Variants in SASH1 observed in about 807,000 individuals in gnomAD.
SASH1 encodes the protein SAM and SH3 domain-containing protein 1.
SASH1 carries 44 observed loss-of-function variants against 125.2 expected under a neutral mutation model. That is an observed-to-expected ratio of 0.35 (90% CI 0.28 to 0.45). The LOEUF is 0.45. Ranked by LOEUF, SASH1 falls within the 20% of genes least tolerant of loss-of-function variation. The pLI is 1.00. For synonymous variants in SASH1, 639 were observed against 649.1 expected (o/e 0.98, Z 0.24); for missense variants, 1,426 against 1,614.5 (o/e 0.88, Z 2.00).
intron 10 of SASH1, among the ~76,000 whole-genome samples, chr6:148,521,612 C>T (rs184753525): frequency 2.8e-4 from 43 of 152,296 alleles, no homozygotes; most frequent in African/African-American, 1.0e-3. Flanking sequence ...GTAGCAGGAA[C>T]TTTTCTTCTG....
intron 1 of SASH1, among the ~76,000 whole-genome samples, chr6:148,275,901 T>G (rs1779170998): frequency 6.6e-6 from 1 of 152,228 alleles, no homozygotes; most frequent in East Asian, 1.9e-4. Flanking sequence ...TTTTATTATT[T>G]GTAGAGACAG....
rs551570745 is a variant in SASH1, at chr6:148,432,967, G to A, written c.286-7217G>A. ...TTTTAGTGTGGCTGTAGATGTGTGT[G>A]TGTATACATACACAAGCAGGTGAAA... On this transcript the variant is annotated intron_variant, in intron 2 of 19. Transcript: ENST00000367467. 3.3e-5 allele frequency among the ~76,000 whole-genome samples: 5 copies of A among 152,318 alleles called. No individual in the cohort carries two copies. In the East Asian group the frequency reaches 9.6e-4, roughly 29 times the overall value.
chr6:148,420,745 C>T (rs1439307442), intron 2 of SASH1, among the ~76,000 whole-genome samples: 1 of 151,910 alleles, frequency 6.6e-6, no homozygotes. Flanking sequence ...ATTTGTGTCC[C>T]CCAGTTTGAA....
At chr6:148,259,801 A>G in the SASH1 span, among the ~76,000 whole-genome samples, 1 of 152,164 alleles carries the variant, frequency 6.6e-6, no homozygotes, top group Non-Finnish European at 1.5e-5. Flanking sequence ...TTCTGTTGGG[A>G]TCATAACCTC....
At chr6:148,508,597 A>G (rs1779938767) in intron 8 of SASH1, 2 of 1,132,986 alleles carry the variant, frequency 1.8e-6, no homozygotes, top group Non-Finnish European at 2.2e-6. Context: ...CTTTCTTGCG[A>G]GTTATGCAGT....
chr6:148,536,485 A>G (rs1228221257), intron 16 of SASH1, among the ~76,000 whole-genome samples: 2 of 152,136 alleles, frequency 1.3e-5, no homozygotes, highest in Non-Finnish European at 2.9e-5. Context: ...GATTACAGGC[A>G]TGCACCACTA....
chr6:148,442,364 G>A (rs60130083), intron 4 of SASH1, among the ~76,000 whole-genome samples: 3,097 of 152,134 alleles, frequency 0.02, 92 homozygotes, highest in African/African-American at 0.07. Flanking sequence ...TTGTGATCAT[G>A]CTTGGGTGAA....
At chr6:148,407,523 G>T (rs2114893701) in intron 2 of SASH1, among the ~76,000 whole-genome samples, 1 of 152,262 alleles carries the variant, frequency 6.6e-6, no homozygotes, top group South Asian at 2.1e-4. Context: ...TGTGAGTAAT[G>T]CTGCTATGAA....
chr6:148,277,019 C>T (rs1176732580), intron 1 of SASH1, among the ~76,000 whole-genome samples: 1 of 152,186 alleles, frequency 6.6e-6, no homozygotes, highest in Non-Finnish European at 1.5e-5. Flanking sequence ...CATATTAACT[C>T]ATTTAATCCT....
the SASH1 span, among the ~76,000 whole-genome samples, chr6:148,201,891 T>G: frequency 2.6e-5 from 4 of 152,172 alleles, no homozygotes; most frequent in African/African-American, 9.7e-5. Flanking sequence ...TGTGTACTTG[T>G]GGCCCTGAGG....
chr6:148,413,509 T>C (rs1784703246), intron 2 of SASH1, among the ~76,000 whole-genome samples: 1 of 152,144 alleles, frequency 6.6e-6, no homozygotes, highest in Non-Finnish European at 1.5e-5. Flanking sequence ...GGAGCTCATC[T>C]TACGATATGT....
intron 2 of SASH1, among the ~76,000 whole-genome samples, chr6:148,391,221 T>A (rs956989658): frequency 1.1e-4 from 17 of 151,988 alleles, no homozygotes; most frequent in Non-Finnish European, 1.5e-5. Flanking sequence ...GTGATTCTCC[T>A]GCCTCAGCCT....
intron 10 of SASH1, among the ~76,000 whole-genome samples, chr6:148,523,481 G>A (rs1251821592): frequency 3.9e-5 from 6 of 152,160 alleles, no homozygotes; most frequent in Non-Finnish European, 7.3e-5. Flanking sequence ...TTAAGCTGAC[G>A]ATAAGAGAAA....
chr6:148,522,851 C>T (rs554869190), intron 10 of SASH1, among the ~76,000 whole-genome samples: 1 of 152,274 alleles, frequency 6.6e-6, no homozygotes, highest in Non-Finnish European at 1.5e-5. Flanking sequence ...TCCATTTTCT[C>T]TTTTGAAGGA....
At chr6:148,452,618 A>G (rs528556205) in intron 4 of SASH1, among the ~76,000 whole-genome samples, 2 of 152,304 alleles carry the variant, frequency 1.3e-5, no homozygotes, top group East Asian at 1.9e-4. Context: ...AGCATGCACA[A>G]AAACAGCTCT....
intron 16 of SASH1, among the ~76,000 whole-genome samples, chr6:148,538,604 G>A (rs947512230): frequency 3.3e-5 from 5 of 152,082 alleles, no homozygotes; most frequent in African/African-American, 1.2e-4. Context: ...CTAATTGAGG[G>A]ACTTACGCTG....
intron 9 of SASH1, among the ~76,000 whole-genome samples, chr6:148,516,541 C>A (rs1022493493): frequency 1.4e-5 from 2 of 140,716 alleles, no homozygotes; most frequent in Non-Finnish European, 3.1e-5. Context: ...AAGGGTTGAT[C>A]CTTTGACTTC....
At chr6:148,277,277 A>G (rs1395328559) in intron 1 of SASH1, among the ~76,000 whole-genome samples, 1 of 152,224 alleles carries the variant, frequency 6.6e-6, no homozygotes, top group Admixed American at 6.5e-5. Flanking sequence ...AGTAAAGTCC[A>G]GCCTGTTGGA....
intron 1 of SASH1, among the ~76,000 whole-genome samples, chr6:148,324,420 T>C (rs1348840393): frequency 6.6e-6 from 1 of 152,092 alleles, no homozygotes; most frequent in African/African-American, 2.4e-5. Flanking sequence ...CCTCAGTGAG[T>C]AGCACTGTCC....
Sources: gnomAD v4.1 joint callset for allele counts (sites outside exome capture counted in the v4.1 genomes callset) on GRCh38, gnomAD v4.1.1 for gene constraint, MANE v1.5 for transcripts, NCBI Gene and HGNC (gene_info 2026-07-23, HGNC 2026-07-21) for gene names.